The following MOV10 variants were observed in gnomAD, a reference collection of about 807,000 sequenced individuals.
MOV10 encodes the protein RNA helicase MOV-10.
Under a neutral mutation model 108.4 loss-of-function variants are expected in MOV10, and 39 were observed. That is an observed-to-expected ratio of 0.36 (90% CI 0.28 to 0.47). MOV10 has a LOEUF of 0.47. Ranked by LOEUF, MOV10 falls within the 20% of genes least tolerant of loss-of-function variation. MOV10 has a pLI of 1.00. For synonymous variants in MOV10, 490 were observed against 523.1 expected (o/e 0.94, Z 0.86); for missense variants, 952 against 1,297.6 (o/e 0.73, Z 4.09).
Position 112,691,806 on chromosome 1 carries a change from A to ACCAT in MOV10, c.971+10_971+13dup. The ACCAT allele has an allele frequency of 6.2e-7, 1 of 1,611,436 alleles. No homozygotes were observed. Among genetic ancestry groups the ACCAT allele is most frequent in the Non-Finnish European group, 8.5e-7 (1 of 1,177,808 alleles). On this transcript the variant is annotated splice_region_variant and intron_variant, in intron 6 of 20. Coordinates refer to ENST00000369645, the MANE Select transcript of MOV10 (RefSeq NM_001321324.2). ...AGGAGATCGCAGAGATCAAGTAAGT[A>ACCAT]CCATCCCTCTGCACCCCGCACTCTC...
intron 2 of MOV10, chr1:112,688,275 G>A (rs939102494): frequency 1.2e-6 from 1 of 865,652 alleles, no homozygotes; most frequent in South Asian, 5.3e-5. Flanking sequence ...CAGGCACTGA[G>A]CCTTGAGGTT....
intron 11 of MOV10, among the ~76,000 whole-genome samples, chr1:112,695,792 A>C (rs1393336782): frequency 6.6e-6 from 1 of 152,114 alleles, no homozygotes; most frequent in Non-Finnish European, 1.5e-5. Context: ...TGTAATCCCA[A>C]CACTTTGAGG....
At chr1:112,681,276 G>T (rs560789283) in intron 2 of MOV10, among the ~76,000 whole-genome samples, 3 of 151,990 alleles carry the variant, frequency 2.0e-5, no homozygotes, top group Non-Finnish European at 2.9e-5. Flanking sequence ...TGGATCACCT[G>T]AGGTCAGGAG....
In MOV10 at chr1:112,676,919, G is replaced by A. The variant is rs1223712083; in HGVS notation, c.137+1870G>A. Reference sequence around the variant, plus strand: ...AGTCTTTGTCAGCTCTAAACCAAAGGTACATAGTATGTTTTAGTACTGGGG... The same window carrying A: ...AGTCTTTGTCAGCTCTAAACCAAAGATACATAGTATGTTTTAGTACTGGGG... On this transcript the variant is annotated intron_variant, in intron 2 of 20. Coordinates refer to ENST00000369645, the MANE Select transcript of MOV10 (RefSeq NM_001321324.2). Among the ~76,000 whole-genome samples, 3 of 152,292 alleles carry A rather than the reference G, an allele frequency of 2.0e-5. No individual in the cohort carries two copies. The South Asian group carries it at 6.2e-4, about 32-fold the overall frequency.
chr1:112,692,688 A>T (rs1442665027), intron 6 of MOV10, 73 bp from the exon 7 acceptor site: 2 of 1,559,744 alleles, frequency 1.3e-6, no homozygotes, highest in Non-Finnish European at 1.7e-6. Flanking sequence ...GAAGGTGGAT[A>T]CTCCTGGGCA....
intron 2 of MOV10, among the ~76,000 whole-genome samples, chr1:112,677,691 G>A (rs1213789683): frequency 6.6e-6 from 1 of 152,098 alleles, no homozygotes; most frequent in Non-Finnish European, 1.5e-5. Context: ...AGCTTTGTAT[G>A]TAGTAGATGC....
Position 112,696,372 on chromosome 1 carries a change from G to T in MOV10, c.1884-65G>T, listed in dbSNP as rs191071788. The stretch of plus-strand genomic sequence containing the variant: ...GGTGGGTGCTGAGAAGCCAGCCTGG[G>T]AAAGCATTCAGGTTTGGTAGTTGGG... On this transcript the variant is annotated intron_variant, in intron 12 of 20. Coordinates refer to ENST00000369645, the MANE Select transcript of MOV10 (RefSeq NM_001321324.2). 3.4e-6 allele frequency: 5 copies of T among 1,466,970 alleles called. No homozygotes were observed. In the Admixed American group the frequency reaches 8.4e-5, roughly 25 times the overall value. The allele number at this position is 1,466,970 out of a possible 1,614,324, so 90.9% of individuals were successfully genotyped here. A position where few individuals can be genotyped will look rare whatever the true frequency, so the allele number is the denominator to read the frequency against.
chr1:112,694,186 G>A lies in MOV10; in HGVS notation c.1295+14G>A, dbSNP rs777670680. The A allele has an allele frequency of 6.2e-7, 1 of 1,614,040 alleles. No homozygotes were observed. Among genetic ancestry groups the A allele is most frequent in the South Asian group, 1.1e-5 (1 of 91,058 alleles). On this transcript the variant is annotated intron_variant, in intron 8 of 20. Transcript: ENST00000369645. The surrounding 1 kb of genome is among the most constrained non-coding windows in gnomAD (Gnocchi z 4.1). ...CTTTTCCATGAGGTGGGTGTTGGGG[G>A]AACCCTGAGCTGCTGGAAGGGTCTA...
intron 2 of MOV10, among the ~76,000 whole-genome samples, chr1:112,678,349 C>A (rs1672362337): frequency 6.6e-6 from 1 of 152,090 alleles, no homozygotes; most frequent in Non-Finnish European, 1.5e-5. Flanking sequence ...GAGACTCATT[C>A]TTCTACAAGT....
Position 112,694,533 on chromosome 1 carries a change from G to A in MOV10, c.1376G>A (p.Arg459His), listed in dbSNP as rs751314294. Residue 459 changes from arginine (R) to histidine (H), a missense_variant, in exon 9 of 21, where the codon CGT becomes CAT. Physicochemically the swap from Arg to His is conservative, Grantham distance 29. Coordinates refer to ENST00000369645, the MANE Select transcript of MOV10 (RefSeq NM_001321324.2). The surrounding 1 kb of genome is among the most constrained non-coding windows in gnomAD (Gnocchi z 4.1). Reference protein sequence around the residue: ...FNRQPLRVQHRALELTGRWLL... With the variant: ...FNRQPLRVQHHALELTGRWLL... The stretch of plus-strand genomic sequence containing the variant: ...CGCCAGCCGCTGCGAGTCCAGCACC[G>A]TGCCCTGGAGCTGACAGGGCGCTGG... 9 of 1,614,014 alleles carry A rather than the reference G, an allele frequency of 5.6e-6. No individual in the cohort carries two copies. Among genetic ancestry groups the A allele is most frequent in the East Asian group, 2.2e-5 (1 of 44,880 alleles).
At chr1:112,695,365 C>T (rs753712413) in intron 10 of MOV10, 51 bp from the exon 11 acceptor site, 27 of 1,587,326 alleles carry the variant, frequency 1.7e-5, no homozygotes, top group East Asian at 2.2e-5. Context: ...AGCCTGGGTA[C>T]GGCTGAGTCT....
At chr1:112,699,844 C>T in intron 18 of MOV10, 34 bp downstream of exon 18, 1 of 1,614,060 alleles carries the variant, frequency 6.2e-7, no homozygotes, top group South Asian at 1.1e-5. Context: ...AGGAATTCTT[C>T]CATTCTCGGG....
At position 112,690,020 on chromosome 1, in the gene MOV10, T is replaced by A. The variant is rs764346509; in HGVS notation, c.758T>A (p.Met253Lys). The A allele has an allele frequency of 1.2e-6, 2 of 1,614,116 alleles. No homozygotes were observed. The highest frequency in any genetic ancestry group is 4.5e-5 in the East Asian group (2 of 44,874). ...HSPLAAQLKP[M>K]TPFKRTRITG... ...CCCCTGGCTGCACAGCTGAAGCCCA[T>A]GACTCCCTTCAAGCGGACCCGGATC... The change falls in exon 5 of 21, where the codon ATG becomes AAG. Residue 253 changes from methionine (M) to lysine (K), a missense_variant. This residue lies in a region of MOV10 where 374 missense variants were observed against 468.6 expected (regional missense o/e 0.80). Transcript: ENST00000369645.
In MOV10 at chr1:112,700,400, C is replaced by CT. The variant is rs1557775322; in HGVS notation, c.2921-13dup. The stretch of plus-strand genomic sequence containing the variant: ...GAGGTGGTAAGGAAGACACAGTGTA[C>CT]TTTCTCTCTTTCCAGGGCCCCACAG... On this transcript the variant is annotated splice_polypyrimidine_tract_variant and intron_variant, in intron 20 of 20. Transcript: ENST00000369645. The CT allele has an allele frequency of 1.2e-6, 2 of 1,613,588 alleles. No individual in the cohort carries two copies. The highest frequency in any genetic ancestry group is 2.7e-5 in the African/African-American group (2 of 75,044).
chr1:112,694,616 G>A lies in MOV10; in HGVS notation c.1459G>A (p.Asp487Asn). ...TCGGGACGTCCCGCTGCTGCCCTCA[G>A]ATGTGAAACTCAAGTGAGACTGTGG... ...APRDVPLLPSDVKLKLYDRSL... is the reference protein window; with the variant it reads ...APRDVPLLPSNVKLKLYDRSL... Residue 487 changes from aspartate to asparagine, a missense_variant, in exon 9 of 21, where the codon GAT becomes AAT. Asp to Asn is a conservative substitution (Grantham distance 23). This residue lies in a region of MOV10 where 453 missense variants were observed against 611.5 expected (regional missense o/e 0.74). Coordinates refer to ENST00000369645, the MANE Select transcript of MOV10 (RefSeq NM_001321324.2). This position sits in a 1 kb window ranked among gnomAD's most constrained non-coding sequence, Gnocchi z 4.1. The A allele has an allele frequency of 6.2e-7, 1 of 1,604,266 alleles. No individual in the cohort carries two copies. Among genetic ancestry groups the A allele is most frequent in the Non-Finnish European group, 8.5e-7 (1 of 1,174,450 alleles).
In MOV10 at chr1:112,691,655, G is replaced by A. The variant is rs1231215566; in HGVS notation, c.837-10G>A. Reference sequence around the variant, plus strand: ...GGGGTTTTCTGTGTTTTCTTCCCTCGATTCTGCAGCGCTAAGGGCTATGAC... The same window carrying A: ...GGGGTTTTCTGTGTTTTCTTCCCTCAATTCTGCAGCGCTAAGGGCTATGAC... On this transcript the variant is annotated splice_polypyrimidine_tract_variant and intron_variant, in intron 5 of 20. Transcript: ENST00000369645. The A allele has an allele frequency of 8.7e-6, 14 of 1,611,266 alleles. No individual in the cohort carries two copies. Among genetic ancestry groups the A allele is most frequent in the Middle Eastern group, 1.7e-4 (1 of 5,956 alleles).
Position 112,692,786 on chromosome 1 carries a change from TGGA to T in MOV10, c.1001_1003del (p.Arg334del). On this transcript the variant is annotated inframe_deletion, in exon 7 of 21. Transcript: ENST00000369645. ...GGCCCAGCTGGAGACAGCCCTGAAG[TGGA>T]GGAACTATGAGGTGAAGCTGCGGCT... 6.2e-7 allele frequency: 1 copy of T among 1,613,736 alleles called. No individual in the cohort carries two copies. The highest frequency in any genetic ancestry group is 8.5e-7 in the Non-Finnish European group (1 of 1,179,966).
In MOV10 at chr1:112,696,719, C is replaced by G; in HGVS notation, c.2071C>G (p.Pro691Ala). 1 of 1,607,064 alleles carries G rather than the reference C, an allele frequency of 6.2e-7. No individual in the cohort carries two copies. Among genetic ancestry groups the G allele is most frequent in the Non-Finnish European group, 8.5e-7 (1 of 1,176,854 alleles). ...GCAGCTGGGGCCTGTGCTGCGTTCC[C>G]CACTGACCCAGAAGCATGGACTGGG... is the stretch of plus-strand genomic sequence containing the variant. ...PRQLGPVLRS[P>A]LTQKHGLGYS... The change falls in exon 14 of 21, where the codon CCA (proline) becomes GCA (alanine). Residue 691 changes from proline to alanine, a missense_variant. This residue lies in a region of MOV10 where 453 missense variants were observed against 611.5 expected (regional missense o/e 0.74). Transcript: ENST00000369645.
rs1161918173 is a variant in MOV10, at chr1:112,696,821, A to G, written c.2173A>G (p.Ile725Val). 6.2e-7 allele frequency: 1 copy of G among 1,601,664 alleles called. No homozygotes were observed. Among genetic ancestry groups the G allele is most frequent in the Non-Finnish European group, 8.5e-7 (1 of 1,173,342 alleles). Reference protein sequence around the residue: ...KGPDGYDPQFITKLLRNYRSH... With the variant: ...KGPDGYDPQFVTKLLRNYRSH... ...CCCTGATGGCTATGACCCCCAGTTC[A>G]TAACCAAGCTGCTCCGCAACTACAG... Residue 725 changes from isoleucine (I) to valine (V), a missense_variant, in exon 14 of 21, where the codon ATA (isoleucine) becomes GTA (valine). By Grantham distance (29) the Ile-to-Val change is conservative. Coordinates refer to ENST00000369645, the MANE Select transcript of MOV10 (RefSeq NM_001321324.2).
Sources: allele counts gnomAD v4.1 joint callset (sites outside exome capture counted in the v4.1 genomes callset), GRCh38; gene constraint gnomAD v4.1.1; regional missense constraint gnomAD v4.1.1; non-coding constraint Gnocchi (gnomAD v3.1); transcripts MANE v1.5; gene names NCBI Gene and HGNC (gene_info 2026-07-23, HGNC 2026-07-21).